ANKFN1: variants seen among roughly 807,000 people sequenced by gnomAD.
ANKFN1 encodes ankyrin repeat and fibronectin type-III domain-containing protein 1.
A neutral mutation model predicts 108.7 loss-of-function variants in ANKFN1; 74 were observed. That is an observed-to-expected ratio of 0.68 (90% CI 0.56 to 0.83). The LOEUF is 0.83. ANKFN1 is among the 40% of genes least tolerant of loss of function. The pLI, the probability that ANKFN1 is intolerant of heterozygous loss-of-function variation, is 0.00. For missense variants in ANKFN1, 1,505 were observed against 1,382.3 expected (o/e 1.09, Z -1.41); for synonymous variants, 547 against 516.2 (o/e 1.06, Z -0.81).
chr17:56,196,895 G>A (rs1284940497), intron 1 of ANKFN1, among the ~76,000 whole-genome samples: 1 of 152,224 alleles, frequency 6.6e-6, no homozygotes, highest in Non-Finnish European at 1.5e-5. Flanking sequence ...TCATGCAAAT[G>A]ACCCTTTCTA....
At chr17:56,077,820 C>T (rs755501173) in intron 4 of ANKFN1, among the ~76,000 whole-genome samples, 1 of 152,102 alleles carries the variant, frequency 6.6e-6, no homozygotes, top group Non-Finnish European at 1.5e-5. Flanking sequence ...TGTGATATCA[C>T]CTCCAGAACC....
chr17:56,177,524 C>T (rs199804163), intron 1 of ANKFN1, among the ~76,000 whole-genome samples: 1 of 152,176 alleles, frequency 6.6e-6, no homozygotes, highest in African/African-American at 2.4e-5. Flanking sequence ...TTTCATAATC[C>T]ACTTACAATG....
intron 1 of ANKFN1, among the ~76,000 whole-genome samples, chr17:56,189,921 A>G (rs1912718310): frequency 6.6e-6 from 1 of 152,136 alleles, no homozygotes; most frequent in Non-Finnish European, 1.5e-5. Context: ...ATCTTTGACC[A>G]AGAAGCAAAG....
chr17:56,070,736 A>T (rs1311434300), intron 4 of ANKFN1, among the ~76,000 whole-genome samples: 4 of 148,592 alleles, frequency 2.7e-5, no homozygotes, highest in South Asian at 2.1e-4. Context: ...TCTCTTTTGT[A>T]TTTTTTTCTT....
intron 20 of ANKFN1, among the ~76,000 whole-genome samples, chr17:56,508,017 C>A (rs549205044): frequency 1.3e-5 from 2 of 152,346 alleles, no homozygotes; most frequent in South Asian, 4.1e-4. Context: ...CCATGTCTGT[C>A]TAGCACAAAA....
At chr17:56,348,424 C>G (rs564266656) in intron 4 of ANKFN1, among the ~76,000 whole-genome samples, 2 of 151,860 alleles carry the variant, frequency 1.3e-5, no homozygotes, top group South Asian at 4.2e-4. Flanking sequence ...GCAGACAAAA[C>G]TTAAAAGGTG....
rs1044211268 is a variant in ANKFN1 at position 56,191,725 on chromosome 17, G to A, written c.-70-20873G>A. Among the ~76,000 whole-genome samples the A allele has an allele frequency of 2.0e-5, 3 of 146,814 alleles. No homozygotes were observed. In the Admixed American group the frequency reaches 2.1e-4, roughly 10 times the overall value. ...GCTCTTCTCGAGGAGCATCTTTGTG[G>A]CGTTCTCTGTATTTCCTGAATCTGA... is the stretch of plus-strand genomic sequence containing the variant. On this transcript the variant is annotated intron_variant, in intron 1 of 20. Coordinates refer to ENST00000682825, the MANE Select transcript of ANKFN1 (RefSeq NM_001370326.1).
chr17:56,244,241 G>A (rs1917798889), intron 3 of ANKFN1, among the ~76,000 whole-genome samples: 1 of 152,124 alleles, frequency 6.6e-6, no homozygotes, highest in African/African-American at 2.4e-5. Context: ...TGTGCTAGGT[G>A]AAGTCAATAA....
At chr17:56,360,876 T>G (rs1190747365) in intron 6 of ANKFN1, among the ~76,000 whole-genome samples, 1 of 152,166 alleles carries the variant, frequency 6.6e-6, no homozygotes, top group Non-Finnish European at 1.5e-5. Context: ...TGTGTAAAGA[T>G]TATCATAATC....
chr17:56,432,617 T>C (rs1338880688), intron 8 of ANKFN1, among the ~76,000 whole-genome samples: 1 of 152,196 alleles, frequency 6.6e-6, no homozygotes, highest in Non-Finnish European at 1.5e-5. Flanking sequence ...GCTGTGTCCT[T>C]CACGAGTTTC....
chr17:56,505,865 C>T (rs1437211594), intron 20 of ANKFN1, among the ~76,000 whole-genome samples: 2 of 152,150 alleles, frequency 1.3e-5, no homozygotes, highest in South Asian at 2.1e-4. Flanking sequence ...TCTCACTATT[C>T]GTATGTTGGG....
At chr17:56,402,163 T>C (rs1187077377) in intron 8 of ANKFN1, among the ~76,000 whole-genome samples, 3 of 152,150 alleles carry the variant, frequency 2.0e-5, no homozygotes, top group Non-Finnish European at 2.9e-5. Flanking sequence ...TCTTTTTTGG[T>C]TATGTCCTTT....
chr17:56,253,317 A>G (rs1282858794), intron 3 of ANKFN1, among the ~76,000 whole-genome samples: 1 of 152,180 alleles, frequency 6.6e-6, no homozygotes, highest in Non-Finnish European at 1.5e-5. Context: ...CCTCTATGAA[A>G]TTTCTCCATT....
At chr17:56,283,495 A>G (rs2044137888) in intron 3 of ANKFN1, among the ~76,000 whole-genome samples, 1 of 151,110 alleles carries the variant, frequency 6.6e-6, no homozygotes, top group Non-Finnish European at 1.5e-5. Flanking sequence ...CAAAATGCCC[A>G]TCAATCAACA....
chr17:56,267,771 G>A (rs2043690473), intron 3 of ANKFN1, among the ~76,000 whole-genome samples: 1 of 152,148 alleles, frequency 6.6e-6, no homozygotes, highest in South Asian at 2.1e-4. Context: ...TTTTGTACCA[G>A]TATCATGCTG....
intron 4 of ANKFN1, among the ~76,000 whole-genome samples, chr17:56,344,149 G>C (rs144447034): frequency 5.5e-4 from 84 of 152,074 alleles, no homozygotes; most frequent in African/African-American, 1.9e-3. Flanking sequence ...CTCATACATA[G>C]TTTTCTTGAA....
intron 8 of ANKFN1, among the ~76,000 whole-genome samples, chr17:56,391,245 A>ATATATATATATATATATATATATG (rs1567967057): frequency 3.3e-5 from 1 of 30,386 alleles, no homozygotes; most frequent in African/African-American, 4.9e-5. Flanking sequence ...ATATATATAT[A>ATATATATATATATATATATATATG]TATGTATGTG....
intron 1 of ANKFN1, among the ~76,000 whole-genome samples, chr17:56,193,185 A>G (rs1381612292): frequency 8.6e-6 from 1 of 116,494 alleles, no homozygotes; most frequent in East Asian, 2.8e-4. Flanking sequence ...TCTCACTCAT[A>G]GGTGGGAATT....
intron 6 of ANKFN1, among the ~76,000 whole-genome samples, chr17:56,370,718 G>A (rs547531854): frequency 5.3e-5 from 8 of 152,250 alleles, no homozygotes; most frequent in Non-Finnish European, 8.8e-5. Context: ...AAATGTATAC[G>A]AATTTGTTTT....
Sources: allele counts gnomAD v4.1 joint callset (sites outside exome capture counted in the v4.1 genomes callset), GRCh38; gene constraint gnomAD v4.1.1; transcripts MANE v1.5; gene names NCBI Gene and HGNC (gene_info 2026-07-23, HGNC 2026-07-21).